ITGB6: variants seen among roughly 807,000 people sequenced by gnomAD.
ITGB6 encodes the protein integrin beta-6.
In ITGB6, 80 loss-of-function variants were observed where a neutral mutation model predicts 84.5. That is an observed-to-expected ratio of 0.95 (90% CI 0.79 to 1.14). The LOEUF (loss-of-function observed/expected upper bound fraction) is 1.14. Among genes scored for constraint, ITGB6 ranks in the 50% most tolerant of loss-of-function variants. ITGB6 has a pLI of 0.00. For synonymous variants in ITGB6, 383 were observed against 354.9 expected, an observed-to-expected ratio of 1.08 and a Z score of -0.89; for missense variants, 1,006 against 968.0, an observed-to-expected ratio of 1.04 and a Z score of -0.52.
At chr2:160,108,252 T>TGTGTGTGTGC (rs1440154947) in intron 13 of ITGB6, among the ~76,000 whole-genome samples, 5 of 148,070 alleles carry the variant, frequency 3.4e-5, no homozygotes, top group African/African-American at 1.2e-4. Flanking sequence ...TGTGTGTGTG[T>TGTGTGTGTGC]GTGCTGCATG....
chr2:160,121,633 A>C (rs1365331493), intron 12 of ITGB6, among the ~76,000 whole-genome samples: 1 of 152,044 alleles, frequency 6.6e-6, no homozygotes, highest in East Asian at 1.9e-4. Flanking sequence ...AAACTACAAA[A>C]AATTACACTG....
rs941178779 is a variant in ITGB6, at chr2:160,107,736, A to G, written c.2211T>C (p.His737=). ...LCIWKLLVSF[H]DRKEVAKFEA... ...CAAATTTGGCAACTTCTTTACGATCATGAAATGACACCAGTAGCTTCCAGA... is the reference window on the plus strand; with the variant it reads ...CAAATTTGGCAACTTCTTTACGATCGTGAAATGACACCAGTAGCTTCCAGA... Residue 737 remains histidine, a synonymous_variant, in exon 14 of 15, where the codon CAT becomes CAC. Transcript: ENST00000283249. 1.1e-5 allele frequency: 17 copies of G among 1,614,018 alleles called. No individual in the cohort carries two copies. The highest frequency in any genetic ancestry group is 1.4e-5 in the Non-Finnish European group (16 of 1,179,966).
intron 4 of ITGB6, among the ~76,000 whole-genome samples, chr2:160,179,680 C>T (rs956562497): frequency 9.2e-5 from 14 of 151,708 alleles, no homozygotes; most frequent in African/African-American, 2.9e-4. Flanking sequence ...GTGTGAGCTA[C>T]CATGCCCGGC....
intron 10 of ITGB6, among the ~76,000 whole-genome samples, chr2:160,135,761 C>T (rs1683687971): frequency 6.6e-6 from 1 of 151,990 alleles, no homozygotes; most frequent in Non-Finnish European, 1.5e-5. Flanking sequence ...ATATCTACAA[C>T]TATCTGATCT....
chr2:160,152,100 G>C (rs1182454297), intron 7 of ITGB6, among the ~76,000 whole-genome samples: 3 of 152,068 alleles, frequency 2.0e-5, no homozygotes, highest in Non-Finnish European at 2.9e-5. Context: ...CATTTTATGA[G>C]GCCAACATCA....
intron 7 of ITGB6, among the ~76,000 whole-genome samples, chr2:160,147,898 A>G (rs1684261114): frequency 6.6e-6 from 1 of 152,244 alleles, no homozygotes; most frequent in African/African-American, 2.4e-5. Flanking sequence ...AATCTAGATT[A>G]TCTTGAGTAT....
In ITGB6 at chr2:160,180,177, C is replaced by G. The variant is rs1008453659; in HGVS notation, c.594-6038G>C. 5.3e-5 allele frequency among the ~76,000 whole-genome samples: 8 copies of G among 150,704 alleles called. No homozygotes were observed. The South Asian group carries it at 1.7e-3, about 32-fold the overall frequency. On this transcript the variant is annotated intron_variant, in intron 4 of 14. Coordinates refer to ENST00000283249, the MANE Select transcript of ITGB6 (RefSeq NM_000888.5). Reference sequence around the variant, plus strand: ...AATGTTGCTGTATCTTAGACAACAGCAAAAGAAATTCTTTTCAAAAATGTA... The same window carrying G: ...AATGTTGCTGTATCTTAGACAACAGGAAAAGAAATTCTTTTCAAAAATGTA...
chr2:160,185,701 A>C lies in ITGB6; in HGVS notation c.593+9668T>G, dbSNP rs1685865819. Among the ~76,000 whole-genome samples the C allele has an allele frequency of 2.0e-5, 3 of 152,258 alleles. No homozygotes were observed. In the South Asian group the frequency reaches 6.2e-4, roughly 31 times the overall value. The stretch of plus-strand genomic sequence containing the variant: ...GCAAAAGAACAAAGCTGGAGGCATC[A>C]TGCCACCTGACTTCAAACTATACTA... On this transcript the variant is annotated intron_variant, in intron 4 of 14. Transcript: ENST00000283249.
In ITGB6 at chr2:160,142,011, T is replaced by C. The variant is rs1684017004; in HGVS notation, c.1078A>G (p.Ile360Val). Residue 360 changes from isoleucine to valine, a missense_variant, in exon 8 of 15, where the codon ATT (isoleucine) becomes GTT (valine). By Grantham distance (29) the Ile-to-Val change is conservative (BLOSUM62 3). Transcript: ENST00000283249. Reference protein sequence around the residue: ...VGLLQKDSGNILQLIISAYEE... With the variant: ...VGLLQKDSGNVLQLIISAYEE... ...TAAGCTGAGATGATCAGCTGGAGAA[T>C]GTTTCCGGAGTCCTTCTGAAGTAGA... 1 of 1,609,722 alleles carries C rather than the reference T, an allele frequency of 6.2e-7. No homozygotes were observed. The highest frequency in any genetic ancestry group is 1.3e-5 in the African/African-American group (1 of 74,722).
At chr2:160,164,424 G>C (rs1684927356) in intron 7 of ITGB6, among the ~76,000 whole-genome samples, 4 of 152,144 alleles carry the variant, frequency 2.6e-5, no homozygotes, top group Admixed American at 2.0e-4. Context: ...GGGCACAGTG[G>C]CTCACACCTG....
At chr2:160,168,459 G>A (rs1685087064) in intron 7 of ITGB6, among the ~76,000 whole-genome samples, 1 of 152,088 alleles carries the variant, frequency 6.6e-6, no homozygotes, top group Non-Finnish European at 1.5e-5. Flanking sequence ...TTATTTTTAG[G>A]GCCCCTGCTA....
intron 7 of ITGB6, among the ~76,000 whole-genome samples, chr2:160,158,093 T>C (rs1206648459): frequency 6.6e-6 from 1 of 151,546 alleles, no homozygotes; most frequent in East Asian, 2.0e-4. Flanking sequence ...AAGGGTAGCA[T>C]GAATGTCTGT....
At chr2:160,149,027 G>A (rs2105835003) in intron 7 of ITGB6, among the ~76,000 whole-genome samples, 1 of 152,264 alleles carries the variant, frequency 6.6e-6, no homozygotes, top group East Asian at 1.9e-4. Flanking sequence ...GGGCATAGCT[G>A]AACAAAAGGC....
In ITGB6 at chr2:160,126,389, TACAGGGGTCACC is replaced by T; in HGVS notation, c.1861_1872del (p.Gly621_Cys624del). 8.1e-6 allele frequency: 13 copies of T among 1,614,104 alleles called. No homozygotes were observed. The highest frequency in any genetic ancestry group is 1.1e-5 in the Non-Finnish European group (13 of 1,179,940). ...AAGCAGAGACATTACCGTTTAGAGT[TACAGGGGTCACC>T]ACAGGTAGGACATCGTTCACAGGTT... is the stretch of plus-strand genomic sequence containing the variant. On this transcript the variant is annotated inframe_deletion, in exon 11 of 15. Transcript: ENST00000283249.
At chr2:160,164,952 C>T (rs1032929718) in intron 7 of ITGB6, among the ~76,000 whole-genome samples, 1 of 152,122 alleles carries the variant, frequency 6.6e-6, no homozygotes, top group African/African-American at 2.4e-5. Flanking sequence ...CCAAAACCTC[C>T]CTCTCTAAGG....
chr2:160,132,747 T>C (rs928197526), intron 10 of ITGB6, among the ~76,000 whole-genome samples: 1 of 152,190 alleles, frequency 6.6e-6, no homozygotes, highest in Non-Finnish European at 1.5e-5. Context: ...TATAAAAGAA[T>C]GATTTTACAA....
intron 10 of ITGB6, among the ~76,000 whole-genome samples, chr2:160,132,444 C>T (rs114341126): frequency 0.025 from 3,735 of 152,198 alleles, 145 homozygotes; most frequent in African/African-American, 0.085. Flanking sequence ...GCTTGGATTT[C>T]TTTGATGCTT....
chr2:160,168,549 A>G (rs1445013119), intron 7 of ITGB6, among the ~76,000 whole-genome samples: 1 of 152,202 alleles, frequency 6.6e-6, no homozygotes, highest in African/African-American at 2.4e-5. Flanking sequence ...GGCTGGGAAA[A>G]AAAACCACAG....
At chr2:160,138,236 AC>A (rs763468110) in intron 8 of ITGB6, 37 bp from the exon 9 acceptor site, 1 of 1,542,988 alleles carries the variant, frequency 6.5e-7, no homozygotes, top group South Asian at 1.3e-5. Flanking sequence ...TGAAGTCACA[AC>A]CCCAAAAATA....
Sources: allele counts gnomAD v4.1 joint callset (sites outside exome capture counted in the v4.1 genomes callset), GRCh38; gene constraint gnomAD v4.1.1; transcripts MANE v1.5; gene names NCBI Gene and HGNC (gene_info 2026-07-23, HGNC 2026-07-21).